ELP1: variants seen among roughly 807,000 people sequenced by gnomAD.
ELP1 encodes the protein elongator complex protein 1.
Under a neutral mutation model 183.2 loss-of-function variants are expected in ELP1, and 131 were observed. The ratio of observed to expected loss-of-function variants is 0.72; its 90% CI spans 0.62 to 0.83. The LOEUF (loss-of-function observed/expected upper bound fraction) is 0.83. Ranked by LOEUF, ELP1 falls within the 40% of genes least tolerant of loss-of-function variation. ELP1 has a pLI of 0.00. For synonymous variants in ELP1, 555 were observed against 569.0 expected (o/e 0.98, Z 0.35); for missense variants, 1,550 against 1,594.9 (o/e 0.97, Z 0.48).
chr9:108,914,686 C>G (rs535075444), intron 10 of ELP1, among the ~76,000 whole-genome samples: 1 of 152,102 alleles, frequency 6.6e-6, no homozygotes, highest in Non-Finnish European at 1.5e-5. Context: ...TGCAGTGGCA[C>G]GATCTCCATT....
At chr9:108,926,180 A>T (rs912709620) in intron 5 of ELP1, among the ~76,000 whole-genome samples, 1 of 152,232 alleles carries the variant, frequency 6.6e-6, no homozygotes. Flanking sequence ...CGTAGTAACA[A>T]AAACCAGCCT....
intron 34 of ELP1, 79 bp downstream of exon 34, chr9:108,878,544 C>G: frequency 6.4e-7 from 1 of 1,568,626 alleles, no homozygotes; most frequent in Non-Finnish European, 8.8e-7. Context: ...AGCTTAATCA[C>G]CTACTGAACT....
chr9:108,906,316 G>C lies in ELP1; in HGVS notation c.1630C>G (p.Gln544Glu). 6.2e-7 allele frequency: 1 copy of C among 1,613,932 alleles called. No homozygotes were observed. The highest frequency in any genetic ancestry group is 8.5e-7 in the Non-Finnish European group (1 of 1,179,852). The part of the protein sequence containing the change: ...ASSEMDEEHG[Q>E]LNVSSSAAVD... ...AAACTGCAATACCTGACATTGAGCT[G>C]TCCATGCTCTTCATCCATCTCAGAA... is the stretch of plus-strand genomic sequence containing the variant. The change falls in exon 14 of 37, where the codon CAG (glutamine) becomes GAG (glutamate). Residue 544 changes from glutamine to glutamate, a missense_variant. Transcript: ENST00000374647.
rs767229022 is a variant in ELP1 at position 108,911,010 on chromosome 9, C to A, written c.1360G>T (p.Gly454Cys). 8 of 1,613,518 alleles carry A rather than the reference C, an allele frequency of 5.0e-6. No homozygotes were observed. The South Asian group carries it at 7.7e-5, about 16-fold the overall frequency. Residue 454 changes from glycine to cysteine, a missense_variant and splice_region_variant, in exon 12 of 37, where the codon GGT becomes TGT. By Grantham distance (159) the Gly-to-Cys change is radical. Coordinates refer to ENST00000374647, the MANE Select transcript of ELP1 (RefSeq NM_003640.5). ...ASNQISVYKCGDCPSADPTVK... is the reference protein window; with the variant it reads ...ASNQISVYKCCDCPSADPTVK... ...TCTTGGCAAAAGTTTTATAACATACCACATTTATAAACAGAAATCTGGTTA... is the reference window on the plus strand; with the variant it reads ...TCTTGGCAAAAGTTTTATAACATACAACATTTATAAACAGAAATCTGGTTA...
chr9:108,923,363 G>A (rs1245009008), intron 5 of ELP1, among the ~76,000 whole-genome samples: 2 of 151,460 alleles, frequency 1.3e-5, no homozygotes. Flanking sequence ...AACACAGCGA[G>A]ACCCCCATCT....
chr9:108,912,341 T>C lies in ELP1; in HGVS notation c.1112A>G (p.Tyr371Cys), dbSNP rs747603780. The change falls in exon 11 of 37, where the codon TAT becomes TGT. Residue 371 changes from tyrosine to cysteine, a missense_variant. Physicochemically the swap from Tyr to Cys is radical, Grantham distance 194. Coordinates refer to ENST00000374647, the MANE Select transcript of ELP1 (RefSeq NM_003640.5). ...CCGGTCAGTCGTCCAGTGCCAATCA[T>C]AGGCGAGGTAATGCCAGCCCTGACA... The part of the protein sequence containing the change: ...VLCQGWHYLA[Y>C]DWHWTTDRSV... 38 of 1,614,008 alleles carry C rather than the reference T, an allele frequency of 2.4e-5. 1 individual carries two copies. In the East Asian group the frequency reaches 2.5e-4, roughly 10 times the overall value.
At chr9:108,870,246 G>T (rs1412323783) in intron 36 of ELP1, among the ~76,000 whole-genome samples, 1 of 152,114 alleles carries the variant, frequency 6.6e-6, no homozygotes, top group African/African-American at 2.4e-5. Context: ...TTACAGGTGT[G>T]AGCCACCACA....
chr9:108,900,446 C>T lies in ELP1; in HGVS notation c.2015-71G>A, dbSNP rs1341216. 125,228 of 1,029,280 alleles carry T rather than the reference C, an allele frequency of 0.12. 9,520 individuals carry two copies. The highest frequency in any genetic ancestry group is 0.28 in the African/African-American group (17,743 of 63,208). The allele number at this position is 1,029,280 out of a possible 1,614,324, so 63.8% of individuals were successfully genotyped here. On this transcript the variant is annotated intron_variant, in intron 18 of 36. Transcript: ENST00000374647. Reference sequence around the variant, plus strand: ...ACTCTCCATTAACTGCAATTGAAACCGCACACATTATGTGAAATAGAAGAG... The same window carrying T: ...ACTCTCCATTAACTGCAATTGAAACTGCACACATTATGTGAAATAGAAGAG...
In ELP1 at chr9:108,902,784, C is replaced by A. The variant is rs1318668550; in HGVS notation, c.1854+55G>T. ...AAGCCCACGCTCTTTCTACTTAATG[C>A]CATCAGTCCCTGGGTAACTACTTTA... On this transcript the variant is annotated intron_variant, in intron 16 of 36. Coordinates refer to ENST00000374647, the MANE Select transcript of ELP1 (RefSeq NM_003640.5). 3 of 1,307,776 alleles carry A rather than the reference C, an allele frequency of 2.3e-6. No individual in the cohort carries two copies. In the African/African-American group the frequency reaches 4.4e-5, roughly 19 times the overall value. The allele number at this position is 1,307,776 out of a possible 1,614,324, so 81.0% of individuals were successfully genotyped here.
intron 13 of ELP1, 109 bp from the exon 14 acceptor site, chr9:108,906,594 T>C (rs1829030695): frequency 2.3e-6 from 2 of 857,198 alleles, no homozygotes; most frequent in Admixed American, 3.9e-5. Context: ...CCACTCCTAA[T>C]TATTTGGAGG....
At chr9:108,899,247 C>A (rs1828677431) in intron 20 of ELP1, among the ~76,000 whole-genome samples, 1 of 151,882 alleles carries the variant, frequency 6.6e-6, no homozygotes, top group African/African-American at 2.4e-5. Flanking sequence ...TTGCAGTAAG[C>A]CGAGATTGCG....
intron 31 of ELP1, among the ~76,000 whole-genome samples, chr9:108,880,446 CAAACAAACAAACA>C (rs1350952810): frequency 3.4e-5 from 5 of 146,202 alleles, no homozygotes; most frequent in Middle Eastern, 3.2e-3. Flanking sequence ...ATTGGCAAAA[CAAACAAACAAACA>C]AAACAAACAA....
At chr9:108,875,715 C>A (rs1175553850) in intron 35 of ELP1, 1 of 425,814 alleles carries the variant, frequency 2.3e-6, no homozygotes, top group South Asian at 1.7e-5. Context: ...GGCAACACAG[C>A]AAGACTCCCT....
chr9:108,916,346 T>C, intron 9 of ELP1, 49 bp from the exon 10 acceptor site: 1 of 1,392,840 alleles, frequency 7.2e-7, no homozygotes, highest in South Asian at 1.2e-5. Context: ...TGGATTTACT[T>C]CCAAATCTTT....
chr9:108,875,602 A>G (rs1265479424), intron 35 of ELP1: 1 of 320,218 alleles, frequency 3.1e-6, no homozygotes, highest in African/African-American at 2.2e-5. Flanking sequence ...TTGATGTCTT[A>G]GAACTTAATG....
Position 108,898,499 on chromosome 9 carries a change from T to A in ELP1, c.2363+3A>T, listed in dbSNP as rs1221839909. ...ATACACATGAATTATTCAAAATACT[T>A]ACTTCAATTCTGTAAAAAACAAGTT... On this transcript the variant is annotated splice_donor_region_variant and intron_variant, in intron 22 of 36. Coordinates refer to ENST00000374647, the MANE Select transcript of ELP1 (RefSeq NM_003640.5). 1 of 1,471,764 alleles carries A rather than the reference T, an allele frequency of 6.8e-7. No individual in the cohort carries two copies. The highest frequency in any genetic ancestry group is 1.1e-5 in the South Asian group (1 of 87,154). 91.2% of individuals were successfully genotyped at this position (1,471,764 alleles called of 1,614,324 possible).
At chr9:108,900,587 A>G (rs932941692) in intron 18 of ELP1, among the ~76,000 whole-genome samples, 2 of 152,226 alleles carry the variant, frequency 1.3e-5, no homozygotes, top group African/African-American at 2.4e-5. Context: ...CCTCATGCAC[A>G]TTCACATACA....
Position 108,878,244 on chromosome 9 carries a change from G to C in ELP1, c.3701-95C>G, listed in dbSNP as rs3818875. 191,805 of 1,010,832 alleles carry C rather than the reference G, an allele frequency of 0.19. 19,781 individuals are homozygous for C. Among genetic ancestry groups the C allele is most frequent in the East Asian group, 0.32 (13,054 of 40,518 alleles). The allele number at this position is 1,010,832 out of a possible 1,614,324, so 62.6% of individuals were successfully genotyped here. A position where few individuals can be genotyped will look rare whatever the true frequency, so the allele number is the denominator to read the frequency against. On this transcript the variant is annotated intron_variant, in intron 34 of 36. Coordinates refer to ENST00000374647, the MANE Select transcript of ELP1 (RefSeq NM_003640.5). ...TCTATCCAAAGCCAAAAATTTCTAT[G>C]ATCCCACTGCAGGTCCTTTCTCCCA...
In ELP1 at chr9:108,912,394, AG is replaced by A; in HGVS notation, c.1058del (p.Pro353LeufsTer2). The A allele has an allele frequency of 6.2e-7, 1 of 1,614,148 alleles. No homozygotes were observed. The highest frequency in any genetic ancestry group is 8.5e-7 in the Non-Finnish European group (1 of 1,179,984). The stretch of plus-strand genomic sequence containing the variant: ...GAACATGCAGCCGGTATGGGGTCAC[AG>A]GGTCCCACATCAGAGACACAATCTT... ...KSKIVSLMWD[P>X]VTPYRLHVLC... On this transcript the variant is annotated frameshift_variant, in exon 11 of 37. Transcript: ENST00000374647. LOFTEE classifies it high-confidence loss of function.
Sources: allele counts gnomAD v4.1 joint callset (sites outside exome capture counted in the v4.1 genomes callset), GRCh38; gene constraint gnomAD v4.1.1; transcripts MANE v1.5; gene names NCBI Gene and HGNC (gene_info 2026-07-23, HGNC 2026-07-21).